Variants in CSGALNACT1 observed in about 807,000 individuals in gnomAD.
CSGALNACT1 encodes the protein chondroitin sulfate N-acetylgalactosaminyltransferase 1.
A neutral mutation model predicts 51.0 loss-of-function variants in CSGALNACT1; 52 were observed. The observed-to-expected ratio is 1.02, with a 90% CI of 0.82 to 1.29. CSGALNACT1 has a LOEUF of 1.29. CSGALNACT1 is among the 50% of genes most tolerant of loss of function. The pLI is 0.00. For synonymous variants in CSGALNACT1, 341 were observed against 254.4 expected, an observed-to-expected ratio of 1.34 and a Z score of -3.24; for missense variants, 935 against 679.2, an observed-to-expected ratio of 1.38 and a Z score of -4.19.
At chr8:19,600,829 GAA>G (rs568732433) in intron 2 of CSGALNACT1, among the ~76,000 whole-genome samples, 2 of 136,626 alleles carry the variant, frequency 1.5e-5, no homozygotes, top group Non-Finnish European at 1.6e-5. Context: ...AAAGTTTTTG[GAA>G]AAAAAAAAAA....
intron 4 of CSGALNACT1, among the ~76,000 whole-genome samples, chr8:19,459,551 A>T (rs116922281): frequency 2.6e-5 from 4 of 152,234 alleles, no homozygotes; most frequent in Non-Finnish European, 5.9e-5. Flanking sequence ...AATATTCAGT[A>T]CAGTGGTATC....
chr8:19,693,072 G>A (rs2061410938), intron 1 of CSGALNACT1, among the ~76,000 whole-genome samples: 2 of 152,138 alleles, frequency 1.3e-5, no homozygotes, highest in Non-Finnish European at 2.9e-5. Flanking sequence ...GTGCCTATGT[G>A]CCAGTCATTT....
At chr8:19,661,608 C>A (rs55898253) in intron 1 of CSGALNACT1, among the ~76,000 whole-genome samples, 2,875 of 152,266 alleles carry the variant, frequency 0.019, 49 homozygotes, top group South Asian at 0.044. Context: ...GCCCGGATTG[C>A]ATGGGACATA....
chr8:19,748,746 C>T (rs1235681630), intron 1 of CSGALNACT1, among the ~76,000 whole-genome samples: 2 of 152,084 alleles, frequency 1.3e-5, no homozygotes, highest in African/African-American at 4.8e-5. Context: ...GGGTGGATCA[C>T]CTCAGGTCAG....
At chr8:19,574,121 T>C (rs1187553805) in intron 3 of CSGALNACT1, among the ~76,000 whole-genome samples, 1 of 152,090 alleles carries the variant, frequency 6.6e-6, no homozygotes, top group Non-Finnish European at 1.5e-5. Flanking sequence ...GCTATCCAGG[T>C]TGGTTGGTTT....
rs572517779 is a variant in CSGALNACT1 at position 19,466,316 on chromosome 8, A to G, written c.635-7674T>C. Among the ~76,000 whole-genome samples the G allele has an allele frequency of 1.0e-3, 155 of 152,310 alleles. 1 individual carries two copies. The Middle Eastern group carries it at 0.01, about 10-fold the overall frequency. The stretch of plus-strand genomic sequence containing the variant: ...TGTCTGAAATCATTTAATATACTTC[A>G]TCTTAGCCAAAAGGCTGAGAAGCGA... On this transcript the variant is annotated intron_variant, in intron 4 of 9. Coordinates refer to ENST00000454498, the Ensembl canonical transcript of CSGALNACT1.
intron 6 of CSGALNACT1, among the ~76,000 whole-genome samples, chr8:19,422,321 T>C (rs2058072968): frequency 6.6e-6 from 1 of 152,170 alleles, no homozygotes. Flanking sequence ...AAGTCCCAAG[T>C]AGCTGGGACT....
At chr8:19,540,608 C>T (rs572294030) in intron 3 of CSGALNACT1, among the ~76,000 whole-genome samples, 5 of 152,140 alleles carry the variant, frequency 3.3e-5, no homozygotes, top group Non-Finnish European at 7.4e-5. Context: ...ATGTGGTGGG[C>T]CAGGTTCTTT....
chr8:19,578,378 G>T (rs1188634783), intron 3 of CSGALNACT1, among the ~76,000 whole-genome samples: 1 of 152,110 alleles, frequency 6.6e-6, no homozygotes, highest in Non-Finnish European at 1.5e-5. Context: ...CTGTACTTAG[G>T]AATCAGCCAC....
chr8:19,667,003 G>C (rs2059367284), intron 1 of CSGALNACT1, among the ~76,000 whole-genome samples: 1 of 28,602 alleles, frequency 3.5e-5, no homozygotes, highest in East Asian at 6.9e-4. Flanking sequence ...AAGAAAGAAA[G>C]AAAGAAAGAA....
chr8:19,501,496 T>A (rs1404270327), intron 4 of CSGALNACT1, among the ~76,000 whole-genome samples: 1 of 152,106 alleles, frequency 6.6e-6, no homozygotes, highest in Non-Finnish European at 1.5e-5. Flanking sequence ...TTCCATCTCA[T>A]CTCAAAATCA....
chr8:19,441,255 C>T (rs747231008), intron 5 of CSGALNACT1, among the ~76,000 whole-genome samples: 37 of 152,280 alleles, frequency 2.4e-4, no homozygotes, highest in East Asian at 2.1e-3. Flanking sequence ...GAGCCTGCAT[C>T]GCCAAGTCAA....
exon 10 of CSGALNACT1, chr8:19,405,147 A>C (rs1344224597): frequency 2.2e-6 from 1 of 451,490 alleles, no homozygotes; most frequent in African/African-American, 2.0e-5. Flanking sequence ...AGGGAAAAAA[A>C]GTGCATTTTT....
At chr8:19,412,752 C>T (rs746990421) in intron 8 of CSGALNACT1, among the ~76,000 whole-genome samples, 1 of 152,064 alleles carries the variant, frequency 6.6e-6, no homozygotes, top group Non-Finnish European at 1.5e-5. Context: ...TGGGTCATGT[C>T]AATTACATAG....
At chr8:19,641,052 G>C (rs1373270187) in intron 1 of CSGALNACT1, among the ~76,000 whole-genome samples, 1 of 150,402 alleles carries the variant, frequency 6.6e-6, no homozygotes, top group African/African-American at 2.4e-5. Context: ...ATTTCTATTA[G>C]GTCTCTCCTT....
chr8:19,518,472 A>G (rs775557229), intron 3 of CSGALNACT1, among the ~76,000 whole-genome samples: 1 of 152,194 alleles, frequency 6.6e-6, no homozygotes, highest in Non-Finnish European at 1.5e-5. Flanking sequence ...CCTTCCCCAC[A>G]CACTATGTAA....
chr8:19,693,363 T>G (rs745599672), intron 1 of CSGALNACT1, among the ~76,000 whole-genome samples: 1 of 152,074 alleles, frequency 6.6e-6, no homozygotes, highest in Non-Finnish European at 1.5e-5. Context: ...GGTACCACCA[T>G]CCTCTCTCTG....
intron 1 of CSGALNACT1, among the ~76,000 whole-genome samples, chr8:19,633,520 A>G (rs2055584511): frequency 6.6e-6 from 1 of 152,202 alleles, no homozygotes; most frequent in African/African-American, 2.4e-5. Flanking sequence ...TTAATTCCAT[A>G]TGGCTATTGT....
chr8:19,561,974 T>C (rs1029655425), intron 3 of CSGALNACT1, among the ~76,000 whole-genome samples: 4 of 152,166 alleles, frequency 2.6e-5, no homozygotes, highest in Non-Finnish European at 4.4e-5. Context: ...TAGAATGCCC[T>C]TGACCTTCCC....
Sources: allele counts gnomAD v4.1 joint callset (sites outside exome capture counted in the v4.1 genomes callset), GRCh38; gene constraint gnomAD v4.1.1; transcripts MANE v1.5; gene names NCBI Gene and HGNC (gene_info 2026-07-23, HGNC 2026-07-21).